Variants in STARD9 observed in about 807,000 individuals in gnomAD.
The protein encoded by STARD9 is stAR-related lipid transfer protein 9.
STARD9 carries 346 observed loss-of-function variants against 399.8 expected under a neutral mutation model. The observed-to-expected ratio is 0.87, with a 90% CI of 0.79 to 0.95. The LOEUF (loss-of-function observed/expected upper bound fraction) is 0.95, where lower values mean the gene tolerates loss of function less well. STARD9 is among the 40% of genes least tolerant of loss of function. The pLI, the probability that STARD9 is intolerant of heterozygous loss-of-function variation, is 0.00. For synonymous variants in STARD9, 2,203 were observed against 2,143.5 expected (o/e 1.03, Z -0.77); for missense variants, 5,832 against 5,667.5 (o/e 1.03, Z -0.93).
At chr15:42,607,293 C>T (rs1412330949) in intron 3 of STARD9, among the ~76,000 whole-genome samples, 2 of 147,182 alleles carry the variant, frequency 1.4e-5, no homozygotes, top group Non-Finnish European at 3.0e-5. Flanking sequence ...ACCTTCGCCT[C>T]CTGGGTTCAA....
intron 26 of STARD9, among the ~76,000 whole-genome samples, chr15:42,702,683 A>C (rs2060992343): frequency 6.6e-6 from 1 of 152,202 alleles, no homozygotes; most frequent in Non-Finnish European, 1.5e-5. Context: ...TTTCAGATTG[A>C]AGAAGTGCCT....
At position 42,686,521 on chromosome 15, in the gene STARD9, AT is replaced by A; in HGVS notation, c.4949del (p.Phe1650SerfsTer37). The A allele has an allele frequency of 6.5e-7, 1 of 1,537,602 alleles. No individual in the cohort carries two copies. The highest frequency in any genetic ancestry group is 8.7e-7 in the Non-Finnish European group (1 of 1,147,018). On this transcript the variant is annotated frameshift_variant, in exon 23 of 33. Coordinates refer to ENST00000290607, the MANE Select transcript of STARD9 (RefSeq NM_020759.3). LOFTEE classifies it high-confidence loss of function. Reference protein sequence around the residue: ...KPGLMTSSDEDFFQKNACHSN... With the variant: ...KPGLMTSSDEXFFQKNACHSN... Reference sequence around the variant, plus strand: ...GGACTGATGACTTCCTCTGATGAGGATTTTTTCCAGAAGAACGCTTGTCACA... The same window carrying A: ...GGACTGATGACTTCCTCTGATGAGGATTTTTCCAGAAGAACGCTTGTCACA...
At chr15:42,595,492 A>C (rs369284485) in intron 3 of STARD9, among the ~76,000 whole-genome samples, 6 of 152,308 alleles carry the variant, frequency 3.9e-5, no homozygotes, top group African/African-American at 1.2e-4. Context: ...TAAAGGTTCA[A>C]TGTATGACTG....
At chr15:42,585,837 T>C (rs1394617187) in intron 3 of STARD9, among the ~76,000 whole-genome samples, 200 bp downstream of exon 3, 1 of 152,208 alleles carries the variant, frequency 6.6e-6, no homozygotes, top group Admixed American at 6.5e-5. Flanking sequence ...CAAGAAACCA[T>C]TGGCCTTTTC....
intron 9 of STARD9, among the ~76,000 whole-genome samples, chr15:42,657,371 A>G (rs1360923143): frequency 6.6e-6 from 1 of 151,982 alleles, no homozygotes; most frequent in Non-Finnish European, 1.5e-5. Flanking sequence ...AAAAAAAAAA[A>G]AAAAGGTTTT....
At chr15:42,708,411 A>G (rs1050629701) in intron 26 of STARD9, among the ~76,000 whole-genome samples, 22 of 152,310 alleles carry the variant, frequency 1.4e-4, no homozygotes, top group African/African-American at 5.1e-4. Flanking sequence ...TGTTCCCACT[A>G]CAGTGGCAGA....
Position 42,720,713 on chromosome 15 carries a change from CAGA to C in STARD9, c.*1143_*1145del, listed in dbSNP as rs1204221889. On this transcript the variant is annotated 3_prime_UTR_variant, in exon 33 of 33. Coordinates refer to ENST00000290607, the MANE Select transcript of STARD9 (RefSeq NM_020759.3). The stretch of plus-strand genomic sequence containing the variant: ...TGGTAGATGGAGGGAACTGGGGATT[CAGA>C]AGATGTGGTAAAGGTCTATTTCTGT... The C allele has an allele frequency of 6.6e-6, 1 of 152,126 alleles. No individual in the cohort carries two copies. The highest frequency in any genetic ancestry group is 1.9e-4 in the East Asian group (1 of 5,200). The allele number at this position is 152,126 out of a possible 1,614,324, so 9.4% of individuals were successfully genotyped here.
intron 3 of STARD9, among the ~76,000 whole-genome samples, chr15:42,632,656 G>A (rs1401059030): frequency 1.3e-5 from 2 of 152,042 alleles, no homozygotes; most frequent in African/African-American, 4.8e-5. Flanking sequence ...TTAAACTGAT[G>A]ACAACTTAAC....
intron 9 of STARD9, among the ~76,000 whole-genome samples, chr15:42,654,221 A>G (rs964888203): frequency 6.6e-6 from 1 of 152,202 alleles, no homozygotes; most frequent in Non-Finnish European, 1.5e-5. Context: ...GAAAAAAGAA[A>G]AATCAGACAT....
At chr15:42,645,354 C>T in intron 7 of STARD9, among the ~76,000 whole-genome samples, 1 of 152,182 alleles carries the variant, frequency 6.6e-6, no homozygotes, top group East Asian at 1.9e-4. Context: ...ATGAAAAGAA[C>T]ATTAGCTTCT....
chr15:42,587,519 CA>C (rs2058300954), intron 3 of STARD9, among the ~76,000 whole-genome samples: 1 of 152,186 alleles, frequency 6.6e-6, no homozygotes, highest in South Asian at 2.1e-4. Flanking sequence ...AATACGAGGA[CA>C]GGGGCAGGTC....
rs143568497 is a variant in STARD9, at chr15:42,628,079, C to T, written c.235-6777C>T. Among the ~76,000 whole-genome samples the T allele has an allele frequency of 1.7e-3, 258 of 152,306 alleles. 2 individuals are homozygous for T. The highest frequency in any genetic ancestry group is 2.8e-3 in the Non-Finnish European group (190 of 68,038). On this transcript the variant is annotated intron_variant, in intron 3 of 32. Transcript: ENST00000290607. Reference sequence around the variant, plus strand: ...GTGTATAAGGGTTCCCTTTTCTCCACATCCTCACCAGCATTCATTATTGCC... The same window carrying T: ...GTGTATAAGGGTTCCCTTTTCTCCATATCCTCACCAGCATTCATTATTGCC...
chr15:42,626,239 C>T (rs1370244913), intron 3 of STARD9, among the ~76,000 whole-genome samples: 1 of 150,116 alleles, frequency 6.7e-6, no homozygotes, highest in Non-Finnish European at 1.5e-5. Flanking sequence ...TTTAATTCTT[C>T]TTCTTCTTCT....
At chr15:42,702,138 C>T (rs72711786) in intron 26 of STARD9, among the ~76,000 whole-genome samples, 337 of 152,170 alleles carry the variant, frequency 2.2e-3, no homozygotes, top group Non-Finnish European at 3.9e-3. Context: ...TTTCAGCAGA[C>T]TCCACACTGA....
intron 19 of STARD9, 58 bp downstream of exon 19, chr15:42,675,804 T>G: frequency 4.6e-6 from 7 of 1,534,550 alleles, no homozygotes; most frequent in Non-Finnish European, 5.2e-6. Context: ...ACCTTTTAGA[T>G]GAAAAGCCAA....
At chr15:42,610,695 C>T (rs916915957) in intron 3 of STARD9, among the ~76,000 whole-genome samples, 8 of 152,092 alleles carry the variant, frequency 5.3e-5, no homozygotes, top group East Asian at 1.9e-4. Flanking sequence ...TACAGGCACC[C>T]GCCACCACGC....
intron 2 of STARD9, among the ~76,000 whole-genome samples, chr15:42,584,784 G>T (rs142265727): frequency 3.3e-5 from 5 of 152,310 alleles, no homozygotes; most frequent in African/African-American, 9.6e-5. Flanking sequence ...AAAGCCCCAG[G>T]TTGATGAAGC....
rs781031164 is a variant in STARD9 at position 42,685,684 on chromosome 15, G to T, written c.4106G>T (p.Cys1369Phe). ...PSPDMQEFHS[C>F]KGERPGYWPN... ...CCTGATATGCAGGAATTTCACTCCT[G>T]TAAGGGGGAGAGGCCTGGATACTGG... is the stretch of plus-strand genomic sequence containing the variant. The change falls in exon 23 of 33, where the codon TGT becomes TTT. Residue 1369 changes from cysteine to phenylalanine, a missense_variant. Cys to Phe is a radical substitution (Grantham distance 205, BLOSUM62 -2). Transcript: ENST00000290607. The T allele has an allele frequency of 6.5e-7, 1 of 1,537,156 alleles. No homozygotes were observed. Among genetic ancestry groups the T allele is most frequent in the Admixed American group, 2.0e-5 (1 of 50,986 alleles).
chr15:42,712,111 A>AATATATATAATATATATAATATATAAT, intron 26 of STARD9, among the ~76,000 whole-genome samples: 1 of 3,180 alleles, frequency 3.1e-4, no homozygotes, highest in African/African-American at 1.9e-3. Context: ...TATAATATAT[A>AATATATATAATATATATAATATATAAT]ATATATAATA....
Sources: gnomAD v4.1 joint callset for allele counts (sites outside exome capture counted in the v4.1 genomes callset) on GRCh38, gnomAD v4.1.1 for gene constraint, MANE v1.5 for transcripts, NCBI Gene and HGNC (gene_info 2026-07-23, HGNC 2026-07-21) for gene names.